The following STON1 variants were observed in gnomAD, a reference collection of about 807,000 sequenced individuals.
The protein encoded by STON1 is stonin 1.
STON1 carries 79 observed loss-of-function variants against 60.9 expected under a neutral mutation model. The ratio of observed to expected loss-of-function variants is 1.30; its 90% CI spans 1.08 to 1.56. The LOEUF (loss-of-function observed/expected upper bound fraction) is 1.56, where lower values mean the gene tolerates loss of function less well. Ranked by LOEUF, STON1 falls within the 40% of genes most tolerant of loss-of-function variation. The pLI, the probability that STON1 is intolerant of heterozygous loss-of-function variation, is 0.00. For missense variants in STON1, 1,166 were observed against 858.9 expected (o/e 1.36, Z -4.47); for synonymous variants, 363 against 306.9 (o/e 1.18, Z -1.91).
intron 1 of STON1, among the ~76,000 whole-genome samples, chr2:48,574,662 T>C (rs1196290829): frequency 6.6e-6 from 1 of 152,214 alleles, no homozygotes. Context: ...TAAACGAGAT[T>C]GTGAATTTGA....
In STON1 at chr2:48,582,277, C is replaced by T. The variant is rs141376897; in HGVS notation, c.1644C>T (p.Asn548=). ...ACGTGGAACTTCAGGCTTTTGTCAA[C>T]ATGGCCTCATTGGCGCAGAGGTCAT... is the stretch of plus-strand genomic sequence containing the variant. ...GAYVELQAFV[N]MASLAQRSSY... is the part of the protein sequence containing the mutation. The change falls in exon 2 of 4, where the codon AAC becomes AAT. Residue 548 remains asparagine (N), a synonymous_variant. Transcript: ENST00000404752. 173 of 1,614,230 alleles carry T rather than the reference C, an allele frequency of 1.1e-4. 1 individual carries two copies. The African/African-American group carries it at 1.7e-3, about 16-fold the overall frequency.
At chr2:48,588,694 T>G (rs1330160614) in intron 2 of STON1, among the ~76,000 whole-genome samples, 2 of 152,044 alleles carry the variant, frequency 1.3e-5, no homozygotes, top group Non-Finnish European at 2.9e-5. Flanking sequence ...ATTATAAAAC[T>G]TTTTTTTAAA....
intron 1 of STON1, among the ~76,000 whole-genome samples, chr2:48,563,792 C>G (rs1337072307): frequency 6.6e-6 from 1 of 152,112 alleles, no homozygotes; most frequent in East Asian, 1.9e-4. Context: ...CTTCCAGGTT[C>G]AAGCAGTTCT....
chr2:48,554,131 G>A (rs888278730), intron 1 of STON1, among the ~76,000 whole-genome samples: 1 of 152,226 alleles, frequency 6.6e-6, no homozygotes, highest in African/African-American at 2.4e-5. Flanking sequence ...GGGAGCTAGT[G>A]TGCCTTGCTG....
At chr2:48,564,405 GTCTTCTTCTTCTTCTTCTTCTTCTTCT>G (rs1241898892) in intron 1 of STON1, among the ~76,000 whole-genome samples, 18 of 83,030 alleles carry the variant, frequency 2.2e-4, no homozygotes, top group African/African-American at 5.6e-4. Flanking sequence ...CAGTGGCGGT[GTCTTCTTCTTCTTCTTCTTCTTCTTCT>G]TCTTCTTCTT....
intron 1 of STON1, among the ~76,000 whole-genome samples, chr2:48,545,141 G>T (rs1314809256): frequency 6.6e-6 from 1 of 152,180 alleles, no homozygotes; most frequent in Non-Finnish European, 1.5e-5. Context: ...AAAAAAATGT[G>T]ATCAGGCTTT....
chr2:48,598,418 A>G lies in STON1; in HGVS notation c.*3116A>G, dbSNP rs1281314552. ...TAAAATACAGTTTTGTATTCTGTCA[A>G]TGCAAATATAAGACAGGTTGAGCCT... On this transcript the variant is annotated 3_prime_UTR_variant, in exon 4 of 4. Coordinates refer to ENST00000404752, the MANE Select transcript of STON1 (RefSeq NM_006873.4). 1 of 152,652 alleles carries G rather than the reference A, an allele frequency of 6.6e-6. No homozygotes were observed. The highest frequency in any genetic ancestry group is 2.1e-4 in the South Asian group (1 of 4,836). The allele number at this position is 152,652 out of a possible 1,614,324, so 9.5% of individuals were successfully genotyped here. A position where few individuals can be genotyped will look rare whatever the true frequency, so the allele number is the denominator to read the frequency against.
At chr2:48,552,724 G>C (rs1672154672) in intron 1 of STON1, among the ~76,000 whole-genome samples, 1 of 152,000 alleles carries the variant, frequency 6.6e-6, no homozygotes, top group Non-Finnish European at 1.5e-5. Context: ...GAGCTAAGAT[G>C]GCACCACTGC....
chr2:48,592,172 A>T (rs1427316805), intron 3 of STON1, among the ~76,000 whole-genome samples: 13 of 152,220 alleles, frequency 8.5e-5, no homozygotes, highest in Admixed American at 8.5e-4. Flanking sequence ...TGTGCTGCAG[A>T]ACATGTGTCC....
intron 1 of STON1, among the ~76,000 whole-genome samples, chr2:48,556,945 C>T (rs1271255853): frequency 4.7e-5 from 1 of 21,054 alleles, no homozygotes; most frequent in East Asian, 2.2e-3. Flanking sequence ...CCTCACCTCC[C>T]GGACGGGGCG....
chr2:48,582,298 G>A lies in STON1; in HGVS notation c.1665G>A (p.Arg555=), dbSNP rs1169309220. The A allele has an allele frequency of 7.4e-6, 12 of 1,614,096 alleles. No homozygotes were observed. The highest frequency in any genetic ancestry group is 2.7e-5 in the African/African-American group (2 of 74,930). The change falls in exon 2 of 4, where the codon AGG becomes AGA. Residue 555 remains arginine, a synonymous_variant. Coordinates refer to ENST00000404752, the MANE Select transcript of STON1 (RefSeq NM_006873.4). ...AFVNMASLAQ[R]SSYAGSLRSC... ...TCAACATGGCCTCATTGGCGCAGAGGTCATCCTATGCTGGTTCCTTAAGGT... is the reference window on the plus strand; with the variant it reads ...TCAACATGGCCTCATTGGCGCAGAGATCATCCTATGCTGGTTCCTTAAGGT...
intron 1 of STON1, among the ~76,000 whole-genome samples, chr2:48,570,781 T>A (rs1000592523): frequency 2.0e-5 from 3 of 149,178 alleles, no homozygotes; most frequent in Non-Finnish European, 4.5e-5. Flanking sequence ...ATTCTAGCCA[T>A]AATACATACT....
chr2:48,543,149 A>C (rs1359635300), intron 1 of STON1, among the ~76,000 whole-genome samples: 1 of 151,570 alleles, frequency 6.6e-6, no homozygotes, highest in African/African-American at 2.4e-5. Context: ...TAATTTTTGT[A>C]TTTCTAGTAG....
At chr2:48,576,311 T>A (rs1310535220) in intron 1 of STON1, among the ~76,000 whole-genome samples, 2 of 143,764 alleles carry the variant, frequency 1.4e-5, no homozygotes, top group Non-Finnish European at 3.0e-5. Flanking sequence ...TGCCTCAGCC[T>A]CCTGAGTGGC....
At chr2:48,588,648 C>G (rs1674343599) in intron 2 of STON1, among the ~76,000 whole-genome samples, 1 of 152,174 alleles carries the variant, frequency 6.6e-6, no homozygotes, top group Non-Finnish European at 1.5e-5. Context: ...CCTACCGCAC[C>G]TGGCAAGAAC....
chr2:48,571,198 AG>A (rs2103870953), intron 1 of STON1, among the ~76,000 whole-genome samples: 1 of 152,262 alleles, frequency 6.6e-6, no homozygotes, highest in South Asian at 2.1e-4. Context: ...AGGAGTTTGC[AG>A]GGTATTCCAG....
Position 48,580,661 on chromosome 2 carries a change from G to T in STON1, c.28G>T (p.Val10Phe), listed in dbSNP as rs1204646323. 3 of 1,379,826 alleles carry T rather than the reference G, an allele frequency of 2.2e-6. No individual in the cohort carries two copies. The highest frequency in any genetic ancestry group is 1.9e-6 in the Non-Finnish European group (2 of 1,061,084). 85.5% of individuals were successfully genotyped at this position (1,379,826 alleles called of 1,614,324 possible). A position where few individuals can be genotyped will look rare whatever the true frequency, so the allele number is the denominator to read the frequency against. Residue 10 changes from valine (V) to phenylalanine (F), a missense_variant, in exon 2 of 4, where the codon GTC (valine) becomes TTC (phenylalanine). By Grantham distance (50) the Val-to-Phe change is conservative. Transcript: ENST00000404752. ...GTGCTCCACAAATCCAGGCAAATGG[G>T]TCACCTTTGATGATGATCCTGCTGT... MCSTNPGKW[V>F]TFDDDPAVQS... is the part of the protein sequence containing the mutation.
chr2:48,596,074 G>A lies in STON1; in HGVS notation c.*772G>A, dbSNP rs571403623. On this transcript the variant is annotated 3_prime_UTR_variant, in exon 4 of 4. Transcript: ENST00000404752. Reference sequence around the variant, plus strand: ...ATTAGACACTAGTTAACATATTTGTGTATATTAAATATGAATTTTTAAAAT... The same window carrying A: ...ATTAGACACTAGTTAACATATTTGTATATATTAAATATGAATTTTTAAAAT... The A allele has an allele frequency of 2.0e-5, 3 of 152,202 alleles. No individual in the cohort carries two copies. Among genetic ancestry groups the A allele is most frequent in the South Asian group, 2.1e-4 (1 of 4,828 alleles). 9.4% of individuals were successfully genotyped at this position (152,202 alleles called of 1,614,324 possible). A position where few individuals can be genotyped will look rare whatever the true frequency, so the allele number is the denominator to read the frequency against.
chr2:48,546,994 G>A (rs1331917898), intron 1 of STON1, among the ~76,000 whole-genome samples: 1 of 152,182 alleles, frequency 6.6e-6, no homozygotes, highest in African/African-American at 2.4e-5. Flanking sequence ...GGTGCTTAGT[G>A]AGTTTCTGTT....
Sources: gnomAD v4.1 joint callset for allele counts (sites outside exome capture counted in the v4.1 genomes callset) on GRCh38, gnomAD v4.1.1 for gene constraint, MANE v1.5 for transcripts, NCBI Gene and HGNC (gene_info 2026-07-23, HGNC 2026-07-21) for gene names.